Variants in CAPRIN1 observed in about 807,000 individuals in gnomAD.
CAPRIN1 encodes the protein caprin-1.
In CAPRIN1, 29 loss-of-function variants were observed where a neutral mutation model predicts 100.9. The ratio of observed to expected loss-of-function variants is 0.29; its 90% CI spans 0.21 to 0.39. CAPRIN1 has a LOEUF of 0.39. Among genes scored for constraint, CAPRIN1 ranks in the 10% least tolerant of loss-of-function variants. CAPRIN1 has a pLI of 1.00. For missense variants in CAPRIN1, 795 were observed against 876.7 expected (o/e 0.91, Z 1.18); for synonymous variants, 338 against 307.5 (o/e 1.10, Z -1.04).
At chr11:34,051,934 TA>T (rs1316327541) in intron 1 of CAPRIN1, 63 bp downstream of exon 1, 1 of 151,956 alleles carries the variant, frequency 6.6e-6, no homozygotes, top group East Asian at 2.0e-4. Flanking sequence ...GGGTGTCCTT[TA>T]TCTCCGGACC....
In CAPRIN1 at chr11:34,094,336, G is replaced by A. The variant is rs548172818; in HGVS notation, c.1706-2143G>A. Among the ~76,000 whole-genome samples the A allele has an allele frequency of 5.9e-5, 9 of 152,202 alleles. No individual in the cohort carries two copies. In the South Asian group the frequency reaches 1.0e-3, roughly 18 times the overall value. ...CTTCCAAAGTGCTGGGATTACAGGCGTGAGCCACCATTCCCGGCCTGATAT... is the reference window on the plus strand; with the variant it reads ...CTTCCAAAGTGCTGGGATTACAGGCATGAGCCACCATTCCCGGCCTGATAT... On this transcript the variant is annotated intron_variant, in intron 15 of 18. Transcript: ENST00000341394.
At chr11:34,071,645 T>A in intron 2 of CAPRIN1, 81 bp from the exon 3 acceptor site, 2 of 915,382 alleles carry the variant, frequency 2.2e-6, no homozygotes, top group Non-Finnish European at 3.5e-6. Context: ...ACTTAGAGGA[T>A]TGTGAGGGTT....
intron 2 of CAPRIN1, among the ~76,000 whole-genome samples, chr11:34,069,416 G>C (rs900525130): frequency 2.0e-5 from 3 of 151,944 alleles, no homozygotes; most frequent in Admixed American, 6.6e-5. Flanking sequence ...CCAAAATGCT[G>C]GGATTACAGG....
intron 15 of CAPRIN1, among the ~76,000 whole-genome samples, chr11:34,093,011 G>A (rs1048988785): frequency 9.3e-5 from 14 of 150,796 alleles, no homozygotes; most frequent in African/African-American, 2.9e-4. Context: ...GGTGCTTACC[G>A]CCATGGCTGG....
chr11:34,087,214 G>T (rs182824404), intron 11 of CAPRIN1, among the ~76,000 whole-genome samples: 1 of 152,068 alleles, frequency 6.6e-6, no homozygotes, highest in African/African-American at 2.4e-5. Context: ...ATTTAATGTT[G>T]CATGATGTTA....
chr11:34,094,726 G>GT (rs1851334488), intron 15 of CAPRIN1, among the ~76,000 whole-genome samples: 1 of 152,220 alleles, frequency 6.6e-6, no homozygotes, highest in South Asian at 2.1e-4. Flanking sequence ...GAGCCCAGGA[G>GT]TTCAAGGTTG....
chr11:34,078,127 AC>A (rs1484012543), intron 6 of CAPRIN1, among the ~76,000 whole-genome samples: 2 of 152,160 alleles, frequency 1.3e-5, no homozygotes, highest in African/African-American at 2.4e-5. Flanking sequence ...GTACTAATAT[AC>A]CCAAATTAGT....
intron 2 of CAPRIN1, among the ~76,000 whole-genome samples, chr11:34,065,189 C>G (rs949572438): frequency 2.0e-5 from 3 of 152,034 alleles, no homozygotes; most frequent in Non-Finnish European, 2.9e-5. Context: ...GTCTCGATCT[C>G]CCGACCTCGT....
chr11:34,097,334 A>G (rs1851387210), intron 17 of CAPRIN1, 38 bp downstream of exon 17: 1 of 1,423,236 alleles, frequency 7.0e-7, no homozygotes, highest in Non-Finnish European at 9.9e-7. Context: ...CCTGAACTAA[A>G]TATACCAATG....
At chr11:34,059,523 G>A (rs375260585) in intron 2 of CAPRIN1, among the ~76,000 whole-genome samples, 4 of 152,094 alleles carry the variant, frequency 2.6e-5, no homozygotes, top group South Asian at 2.1e-4. Flanking sequence ...CTGCCTCGGC[G>A]TCCAAAACTT....
At chr11:34,089,554 G>C in intron 12 of CAPRIN1, 98 bp downstream of exon 12, 1 of 670,182 alleles carries the variant, frequency 1.5e-6, no homozygotes, top group Non-Finnish European at 2.7e-6. Flanking sequence ...ATCACTTGAG[G>C]TCAGGAGTTC....
intron 2 of CAPRIN1, among the ~76,000 whole-genome samples, chr11:34,066,917 C>G (rs1850709680): frequency 6.6e-6 from 1 of 150,726 alleles, no homozygotes; most frequent in Admixed American, 6.7e-5. Flanking sequence ...CAGGCGTGAG[C>G]CATCACACCC....
chr11:34,101,983 AC>A lies in CAPRIN1; in HGVS notation c.*2618del. On this transcript the variant is annotated 3_prime_UTR_variant, in exon 19 of 19. Transcript: ENST00000341394. The stretch of plus-strand genomic sequence containing the variant: ...TTAAAAAGGTAGAATGTTATTGATT[AC>A]CTTGATTAGGGCAGTTTTATTTCCA... Among the ~76,000 whole-genome samples, 3 of 152,332 alleles carry A rather than the reference AC, an allele frequency of 2.0e-5. No individual in the cohort carries two copies. The Middle Eastern group carries it at 0.01, about 518-fold the overall frequency.
At chr11:34,062,975 A>G (rs1216649941) in intron 2 of CAPRIN1, 2 of 151,696 alleles carry the variant, frequency 1.3e-5, no homozygotes, top group Admixed American at 6.6e-5. Flanking sequence ...TCTCTTTGCT[A>G]TTTATTTTTA....
intron 2 of CAPRIN1, among the ~76,000 whole-genome samples, chr11:34,071,150 T>C (rs1302302435): frequency 1.3e-5 from 2 of 152,236 alleles, no homozygotes; most frequent in African/African-American, 4.8e-5. Flanking sequence ...GTAGGAGCCA[T>C]ATGCCTAGTC....
rs993394458 is a variant in CAPRIN1, at chr11:34,101,912, A to G, written c.*2545A>G. Among the ~76,000 whole-genome samples the G allele has an allele frequency of 6.6e-6, 1 of 152,228 alleles. No individual in the cohort carries two copies. The highest frequency in any genetic ancestry group is 2.4e-5 in the African/African-American group (1 of 41,466). ...ACATACAAAATACTTTTGTATATGCATAATATAAATCATCTCATGTGGATA... is the reference window on the plus strand; with the variant it reads ...ACATACAAAATACTTTTGTATATGCGTAATATAAATCATCTCATGTGGATA... On this transcript the variant is annotated 3_prime_UTR_variant, in exon 19 of 19. Coordinates refer to ENST00000341394, the MANE Select transcript of CAPRIN1 (RefSeq NM_005898.5).
intron 4 of CAPRIN1, among the ~76,000 whole-genome samples, chr11:34,073,774 A>G (rs1030747350): frequency 2.0e-5 from 3 of 152,180 alleles, no homozygotes; most frequent in Non-Finnish European, 4.4e-5. Flanking sequence ...AGGGAAGGAA[A>G]ATCTTTGCTG....
At chr11:34,076,512 T>A (rs1172957643) in intron 5 of CAPRIN1, 38 bp downstream of exon 5, 11 of 1,607,296 alleles carry the variant, frequency 6.8e-6, no homozygotes, top group African/African-American at 1.3e-5. Flanking sequence ...TTCTGAGTAT[T>A]TAAGTTGACA....
rs1394809909 is a variant in CAPRIN1 at position 34,076,362 on chromosome 11, C to T, written c.493C>T (p.Arg165Trp). 29 of 1,614,094 alleles carry T rather than the reference C, an allele frequency of 1.8e-5. No individual in the cohort carries two copies. The highest frequency in any genetic ancestry group is 2.2e-5 in the South Asian group (2 of 91,090). ...VLDKLGDDEV[R>W]TDLKQGLNGV... ...GGACAAATTGGGAGATGATGAAGTG[C>T]GGACTGACCTGAAACAAGGTTTGAA... Residue 165 changes from arginine (R) to tryptophan (W), a missense_variant, in exon 5 of 19, where the codon CGG (arginine) becomes TGG (tryptophan). Coordinates refer to ENST00000341394, the MANE Select transcript of CAPRIN1 (RefSeq NM_005898.5).
Sources: allele counts gnomAD v4.1 joint callset (sites outside exome capture counted in the v4.1 genomes callset), GRCh38; gene constraint gnomAD v4.1.1; transcripts MANE v1.5; gene names NCBI Gene and HGNC (gene_info 2026-07-23, HGNC 2026-07-21).